CACNA1D: variants seen among roughly 807,000 people sequenced by gnomAD.
CACNA1D encodes voltage-dependent L-type calcium channel subunit alpha-1D.
In CACNA1D, 55 loss-of-function variants were observed where a neutral mutation model predicts 257.1. That is an observed-to-expected ratio of 0.21 (90% confidence interval 0.17 to 0.27). The LOEUF (loss-of-function observed/expected upper bound fraction) is 0.27. Among genes scored for constraint, CACNA1D ranks in the 10% least tolerant of loss-of-function variants. The pLI, the probability that CACNA1D is intolerant of heterozygous loss-of-function variation, is 1.00. For missense variants in CACNA1D, 1,876 were observed against 2,784.0 expected (o/e 0.67, Z 7.34); for synonymous variants, 980 against 1,014.9 (o/e 0.97, Z 0.65).
chr3:53,503,669 A>C (rs1330466557), intron 3 of CACNA1D, among the ~76,000 whole-genome samples: 1 of 152,172 alleles, frequency 6.6e-6, no homozygotes, highest in East Asian at 1.9e-4. Flanking sequence ...CTCAGCTAAG[A>C]AGTCAGGAAA....
chr3:53,665,697 G>C lies in CACNA1D; in HGVS notation c.804G>C (p.Met268Ile). ...TCCTGAACTCCATTATAAAAGCCAT[G>C]GTTCCCCTCCTTCACATAGCCCTTT... ...QVVLNSIIKA[M>I]VPLLHIALLV... The change falls in exon 6 of 48, where the codon ATG becomes ATC. Residue 268 changes from methionine (M) to isoleucine (I), a missense_variant. Coordinates refer to ENST00000350061, the MANE Select transcript of CACNA1D (RefSeq NM_001128840.3). 6.2e-7 allele frequency: 1 copy of C among 1,611,190 alleles called. No individual in the cohort carries two copies. Among genetic ancestry groups the C allele is most frequent in the Non-Finnish European group, 8.5e-7 (1 of 1,177,668 alleles).
chr3:53,583,676 G>A (rs527644153), intron 3 of CACNA1D, among the ~76,000 whole-genome samples: 2 of 152,318 alleles, frequency 1.3e-5, no homozygotes, highest in South Asian at 4.1e-4. Context: ...ATAATCAAAA[G>A]CTCTGCCAGA....
At chr3:53,780,571 C>G (rs948447048) in intron 38 of CACNA1D, among the ~76,000 whole-genome samples, 2 of 152,190 alleles carry the variant, frequency 1.3e-5, no homozygotes, top group Non-Finnish European at 2.9e-5. Flanking sequence ...GAGGTGATGT[C>G]TGCAAAAGCT....
intron 32 of CACNA1D, among the ~76,000 whole-genome samples, chr3:53,772,053 G>T (rs192216889): frequency 2.0e-5 from 3 of 152,236 alleles, no homozygotes; most frequent in East Asian, 1.9e-4. Flanking sequence ...AACACTCTGG[G>T]CACCCTGTGC....
chr3:53,705,995 C>CA (rs1223901724), intron 9 of CACNA1D, among the ~76,000 whole-genome samples: 12 of 152,244 alleles, frequency 7.9e-5, no homozygotes, highest in Admixed American at 2.0e-4. Context: ...ATCTGATTAG[C>CA]AGGCAGTAGA....
intron 3 of CACNA1D, among the ~76,000 whole-genome samples, chr3:53,528,575 T>C (rs6777870): frequency 0.42 from 63,511 of 152,058 alleles, 14,645 homozygotes; most frequent in Middle Eastern, 0.53. Flanking sequence ...TAAAACAGCC[T>C]TCTGGGGTTT....
At chr3:53,506,402 G>A (rs552122794) in intron 3 of CACNA1D, among the ~76,000 whole-genome samples, 7 of 152,320 alleles carry the variant, frequency 4.6e-5, no homozygotes, top group African/African-American at 1.7e-4. Flanking sequence ...CTCATGGGCT[G>A]TGGGGTCTGA....
rs564656751 is a variant in CACNA1D at position 53,542,208 on chromosome 3, T to G, written c.483+40488T>G. Among the ~76,000 whole-genome samples, 1,212 of 152,108 alleles carry G rather than the reference T, an allele frequency of 8.0e-3. 91 individuals are homozygous for G. The South Asian group carries it at 0.16, about 20-fold the overall frequency. On this transcript the variant is annotated intron_variant, in intron 3 of 47. Coordinates refer to ENST00000350061, the MANE Select transcript of CACNA1D (RefSeq NM_001128840.3). The stretch of plus-strand genomic sequence containing the variant: ...TAAAAACAAGCAAAAAATGCAGGTT[T>G]TTTTTTTTTCTCAGTTGTCTCAGTG...
At chr3:53,554,384 T>C (rs1235463021) in intron 3 of CACNA1D, among the ~76,000 whole-genome samples, 2 of 152,156 alleles carry the variant, frequency 1.3e-5, no homozygotes, top group Non-Finnish European at 2.9e-5. Flanking sequence ...CTATGAACAA[T>C]CATATGCAAT....
chr3:53,729,422 C>T (rs907919754), intron 15 of CACNA1D, among the ~76,000 whole-genome samples: 10 of 152,128 alleles, frequency 6.6e-5, no homozygotes, highest in East Asian at 3.9e-4. Context: ...GCTCCTGTCT[C>T]GGGGTCTCTG....
intron 8 of CACNA1D, 35 bp from the exon 9 acceptor site, chr3:53,702,606 T>C (rs767234969): frequency 6.2e-7 from 1 of 1,609,610 alleles, no homozygotes; most frequent in South Asian, 1.1e-5. Context: ...CCCAAGGATG[T>C]CCTGATATGT....
intron 8 of CACNA1D, among the ~76,000 whole-genome samples, chr3:53,687,828 G>A (rs1156489473): frequency 2.0e-5 from 3 of 152,116 alleles, no homozygotes; most frequent in African/African-American, 4.8e-5. Context: ...TGAGTAGCCA[G>A]TAAGTACACA....
In CACNA1D at chr3:53,753,611, A is replaced by G; in HGVS notation, c.3715A>G (p.Ile1239Val). The change falls in exon 29 of 48, where the codon ATT becomes GTT. Residue 1239 changes from isoleucine (I) to valine (V), a missense_variant. This residue lies in a region of CACNA1D where 204 missense variants were observed against 309.4 expected (regional missense o/e 0.66). Coordinates refer to ENST00000350061, the MANE Select transcript of CACNA1D (RefSeq NM_001128840.3). ...CAAGATGTTCAATGATGCCATGGAC[A>G]TTCTGAACATGGTCTTCACCGGGGT... is the stretch of plus-strand genomic sequence containing the variant. Reference protein sequence around the residue: ...QSKMFNDAMDILNMVFTGVFT... With the variant: ...QSKMFNDAMDVLNMVFTGVFT... 1.2e-6 allele frequency: 2 copies of G among 1,613,522 alleles called. No individual in the cohort carries two copies. Among genetic ancestry groups the G allele is most frequent in the Non-Finnish European group, 1.7e-6 (2 of 1,179,388 alleles).
At chr3:53,799,895 G>C (rs780113974) in intron 40 of CACNA1D, 1 of 358,864 alleles carries the variant, frequency 2.8e-6, no homozygotes, top group Non-Finnish European at 5.4e-6. Context: ...GAGAGATAGG[G>C]CTCTTGTAGG....
chr3:53,779,456 TACAC>T (rs1035333355), intron 37 of CACNA1D, among the ~76,000 whole-genome samples: 3 of 152,034 alleles, frequency 2.0e-5, no homozygotes, highest in East Asian at 3.9e-4. Flanking sequence ...TATATGTATA[TACAC>T]ACACACAGAG....
intron 3 of CACNA1D, among the ~76,000 whole-genome samples, chr3:53,638,437 A>G (rs1211323472): frequency 6.6e-6 from 1 of 152,170 alleles, no homozygotes; most frequent in Non-Finnish European, 1.5e-5. Flanking sequence ...TGCACCGGGC[A>G]CCATGCTGTT....
intron 30 of CACNA1D, among the ~76,000 whole-genome samples, chr3:53,767,612 C>T (rs975369712): frequency 3.3e-5 from 5 of 150,726 alleles, no homozygotes; most frequent in African/African-American, 7.3e-5. Context: ...CATGCAGATA[C>T]GCCCCAGATC....
At chr3:53,739,648 A>G (rs2095095471) in intron 20 of CACNA1D, among the ~76,000 whole-genome samples, 1 of 152,214 alleles carries the variant, frequency 6.6e-6, no homozygotes, top group Admixed American at 6.5e-5. Flanking sequence ...TAGAGAGAGC[A>G]GTGTGAGATG....
At chr3:53,637,741 C>T (rs1377007316) in intron 3 of CACNA1D, among the ~76,000 whole-genome samples, 1 of 152,164 alleles carries the variant, frequency 6.6e-6, no homozygotes, top group Non-Finnish European at 1.5e-5. Context: ...TTAGATACTC[C>T]TCAGCTCAGT....
Sources: allele counts gnomAD v4.1 joint callset (sites outside exome capture counted in the v4.1 genomes callset), GRCh38; gene constraint gnomAD v4.1.1; regional missense constraint gnomAD v4.1.1; transcripts MANE v1.5; gene names NCBI Gene and HGNC (gene_info 2026-07-23, HGNC 2026-07-21).